The following LARGE1 variants were observed in gnomAD, a reference collection of about 807,000 sequenced individuals.
LARGE1 encodes the protein xylosyl- and glucuronyltransferase LARGE1.
Under a neutral mutation model 87.6 loss-of-function variants are expected in LARGE1, and 43 were observed. The ratio of observed to expected loss-of-function variants is 0.49; its 90% CI spans 0.38 to 0.63. The LOEUF (loss-of-function observed/expected upper bound fraction) is 0.63. Ranked by LOEUF, LARGE1 falls within the 30% of genes least tolerant of loss-of-function variation. The pLI is 0.00. For missense variants in LARGE1, 802 were observed against 1,000.2 expected (o/e 0.80, Z 2.67); for synonymous variants, 434 against 394.6 (o/e 1.10, Z -1.18).
At chr22:33,401,068 G>A (rs115019824) in intron 7 of LARGE1, among the ~76,000 whole-genome samples, 4,357 of 151,940 alleles carry the variant, frequency 0.029, 196 homozygotes, top group African/African-American at 0.1. Flanking sequence ...TTTCTCCCTC[G>A]CACACTCTCG....
chr22:33,550,393 G>C (rs2077491905), intron 6 of LARGE1, among the ~76,000 whole-genome samples: 1 of 152,192 alleles, frequency 6.6e-6, no homozygotes, highest in African/African-American at 2.4e-5. Context: ...AACGCCTAGA[G>C]ATATTTTTGC....
At position 33,920,108 on chromosome 22, in the gene LARGE1, C is replaced by G. The variant is rs1569035436; in HGVS notation, c.-196G>C. 3 of 152,270 alleles carry G rather than the reference C, an allele frequency of 2.0e-5. No homozygotes were observed. Among genetic ancestry groups the G allele is most frequent in the African/African-American group, 7.2e-5 (3 of 41,440 alleles). 9.4% of individuals were successfully genotyped at this position (152,270 alleles called of 1,614,324 possible). A position where few individuals can be genotyped will look rare whatever the true frequency, so the allele number is the denominator to read the frequency against. The stretch of plus-strand genomic sequence containing the variant: ...GGTCAGGGTCCCGGCAGGCGCTGCC[C>G]TACTCGGAGCGGCGGTGCCAAGCAC... On this transcript the variant is annotated 5_prime_UTR_variant, in exon 1 of 15. Transcript: ENST00000397394.
At chr22:33,323,281 G>A (rs140901019) in intron 10 of LARGE1, among the ~76,000 whole-genome samples, 4 of 152,348 alleles carry the variant, frequency 2.6e-5, no homozygotes, top group African/African-American at 9.6e-5. Flanking sequence ...TCTACATGGT[G>A]CTTTGCACCT....
chr22:33,194,259 T>G (rs979807620), intron 11 of LARGE1, among the ~76,000 whole-genome samples: 2 of 152,160 alleles, frequency 1.3e-5, no homozygotes, highest in African/African-American at 4.8e-5. Context: ...ATAAATTAAT[T>G]GCAGAAGAAA....
At chr22:33,332,131 G>A (rs1028672960) in intron 10 of LARGE1, among the ~76,000 whole-genome samples, 1 of 152,134 alleles carries the variant, frequency 6.6e-6, no homozygotes, top group African/African-American at 2.4e-5. Context: ...GGATGATATG[G>A]TTTGGCTGTG....
At chr22:33,798,054 C>T (rs192712070) in intron 1 of LARGE1, among the ~76,000 whole-genome samples, 4 of 152,294 alleles carry the variant, frequency 2.6e-5, no homozygotes, top group African/African-American at 9.6e-5. Flanking sequence ...GGGTGGATCA[C>T]CTGAGGTCAA....
chr22:33,350,627 G>A (rs565648599), intron 9 of LARGE1, among the ~76,000 whole-genome samples: 1 of 152,292 alleles, frequency 6.6e-6, no homozygotes, highest in South Asian at 2.1e-4. Flanking sequence ...ATGCCCTTGG[G>A]GGTGGGCACC....
At chr22:33,093,830 T>C in the LARGE1 span, among the ~76,000 whole-genome samples, 1 of 142,832 alleles carries the variant, frequency 7.0e-6, no homozygotes, top group African/African-American at 2.6e-5. Flanking sequence ...TTCTTTTTTT[T>C]TTTTTTTTTT....
At chr22:33,553,140 C>T (rs1313394677) in intron 6 of LARGE1, among the ~76,000 whole-genome samples, 2 of 152,132 alleles carry the variant, frequency 1.3e-5, no homozygotes, top group Non-Finnish European at 2.9e-5. Flanking sequence ...GTATTGTCTC[C>T]TCTGATATTA....
intron 6 of LARGE1, among the ~76,000 whole-genome samples, chr22:33,537,324 T>A (rs191321875): frequency 6.6e-6 from 1 of 152,344 alleles, no homozygotes; most frequent in African/African-American, 2.4e-5. Context: ...GTTTCCAGCT[T>A]CCAGTGGCTG....
intron 10 of LARGE1, chr22:33,322,877 C>A (rs1165246162): frequency 6.6e-6 from 1 of 152,256 alleles, no homozygotes; most frequent in African/African-American, 2.4e-5. Flanking sequence ...AATCCCAGCA[C>A]TTTGGGAGGC....
At chr22:33,736,819 T>C (rs2083672003) in intron 2 of LARGE1, among the ~76,000 whole-genome samples, 1 of 152,202 alleles carries the variant, frequency 6.6e-6, no homozygotes, top group South Asian at 2.1e-4. Context: ...TTTTAGAGGA[T>C]AGCAATCCAT....
chr22:33,452,310 C>T (rs76674664), intron 6 of LARGE1, among the ~76,000 whole-genome samples: 7,444 of 152,158 alleles, frequency 0.049, 227 homozygotes, highest in African/African-American at 0.06. Flanking sequence ...GGACGGGTGG[C>T]CTATGCAGCA....
intron 6 of LARGE1, among the ~76,000 whole-genome samples, chr22:33,562,177 T>C (rs941174855): frequency 6.6e-6 from 1 of 152,194 alleles, no homozygotes; most frequent in Admixed American, 6.5e-5. Flanking sequence ...TTCTAATAGT[T>C]TGGTTTAGAA....
chr22:33,342,178 A>G (rs1403746780), intron 9 of LARGE1, among the ~76,000 whole-genome samples: 1 of 152,194 alleles, frequency 6.6e-6, no homozygotes, highest in Non-Finnish European at 1.5e-5. Flanking sequence ...ACTCACACCC[A>G]GTGGGGGGAT....
chr22:33,769,037 C>T (rs967927313), intron 1 of LARGE1, among the ~76,000 whole-genome samples: 5 of 152,336 alleles, frequency 3.3e-5, no homozygotes, highest in South Asian at 2.1e-4. Context: ...GGCAGGAATC[C>T]GCCAGTGCAG....
chr22:33,513,812 TACACAC>T (rs56262022), intron 6 of LARGE1, among the ~76,000 whole-genome samples: 39 of 143,282 alleles, frequency 2.7e-4, no homozygotes, highest in Non-Finnish European at 4.0e-4. Context: ...AGAGCTGATG[TACACAC>T]ACACACACAC....
At chr22:33,578,654 G>C (rs201968048) in intron 5 of LARGE1, among the ~76,000 whole-genome samples, 1 of 152,134 alleles carries the variant, frequency 6.6e-6, no homozygotes, top group African/African-American at 2.4e-5. Context: ...CAATTATAAT[G>C]AATTATAGGA....
chr22:33,335,156 T>C (rs550782450), intron 10 of LARGE1, among the ~76,000 whole-genome samples: 4 of 152,314 alleles, frequency 2.6e-5, no homozygotes, highest in African/African-American at 9.6e-5. Context: ...CATTTAACGT[T>C]TGCAAAAATG....
Sources: allele counts gnomAD v4.1 joint callset (sites outside exome capture counted in the v4.1 genomes callset), GRCh38; gene constraint gnomAD v4.1.1; transcripts MANE v1.5; gene names NCBI Gene and HGNC (gene_info 2026-07-23, HGNC 2026-07-21).